Variants in RORA observed in about 807,000 individuals in gnomAD.
The protein encoded by RORA is nuclear receptor ROR-alpha.
RORA carries 7 observed loss-of-function variants against 69.5 expected under a neutral mutation model. The ratio of observed to expected loss-of-function variants is 0.10; its 90% CI spans 0.06 to 0.19. The LOEUF is 0.19. RORA is among the 10% of genes least tolerant of loss of function. RORA has a pLI of 1.00. For synonymous variants in RORA, 261 were observed against 240.8 expected, an observed-to-expected ratio of 1.08 and a Z score of -0.78; for missense variants, 457 against 663.0, an observed-to-expected ratio of 0.69 and a Z score of 3.41.
chr15:61,138,976 T>G (rs2079271484), intron 1 of RORA, among the ~76,000 whole-genome samples: 1 of 151,936 alleles, frequency 6.6e-6, no homozygotes, highest in Admixed American at 6.6e-5. Context: ...AAACCCCGTC[T>G]CTACTAGAAA....
chr15:60,979,722 G>A (rs1182732985), intron 1 of RORA, among the ~76,000 whole-genome samples: 1 of 72,702 alleles, frequency 1.4e-5, no homozygotes, highest in East Asian at 5.8e-4. Context: ...AATAATGTGT[G>A]TGTATGTATG....
chr15:60,996,683 G>C (rs2140375523), intron 1 of RORA, among the ~76,000 whole-genome samples: 1 of 152,218 alleles, frequency 6.6e-6, no homozygotes, highest in East Asian at 1.9e-4. Flanking sequence ...GGCTGAGGTG[G>C]GTGGATCACG....
intron 3 of RORA, among the ~76,000 whole-genome samples, chr15:60,523,492 A>T (rs1174565935): frequency 6.6e-6 from 1 of 152,230 alleles, no homozygotes; most frequent in Non-Finnish European, 1.5e-5. Flanking sequence ...ACATACAGAT[A>T]GACACTTTTT....
intron 1 of RORA, among the ~76,000 whole-genome samples, chr15:60,926,261 A>T (rs1264632747): frequency 6.6e-6 from 1 of 152,182 alleles, no homozygotes; most frequent in Non-Finnish European, 1.5e-5. Flanking sequence ...CAGAACCTGG[A>T]GCATAACCTG....
intron 1 of RORA, among the ~76,000 whole-genome samples, chr15:61,169,015 T>C (rs2079562406): frequency 6.6e-6 from 1 of 152,176 alleles, no homozygotes; most frequent in Non-Finnish European, 1.5e-5. Flanking sequence ...TCTTTGTACC[T>C]TCCTGTGCCT....
intron 2 of RORA, among the ~76,000 whole-genome samples, chr15:60,635,620 G>A (rs564299535): frequency 6.6e-6 from 1 of 152,158 alleles, no homozygotes; most frequent in East Asian, 1.9e-4. Flanking sequence ...AGATGTAAAG[G>A]GAAAGAACAC....
intron 2 of RORA, among the ~76,000 whole-genome samples, chr15:60,593,746 T>G (rs1280909724): frequency 6.6e-6 from 1 of 152,218 alleles, no homozygotes; most frequent in African/African-American, 2.4e-5. Context: ...TCTGTTGGTC[T>G]GTTGCCACGC....
intron 1 of RORA, among the ~76,000 whole-genome samples, chr15:61,006,923 G>T (rs1005466677): frequency 4.6e-5 from 7 of 151,970 alleles, no homozygotes; most frequent in Non-Finnish European, 1.0e-4. Context: ...GAATTATATG[G>T]ACATAGATAA....
chr15:60,771,414 A>G (rs1194888246), intron 1 of RORA, among the ~76,000 whole-genome samples: 1 of 152,030 alleles, frequency 6.6e-6, no homozygotes, highest in Non-Finnish European at 1.5e-5. Flanking sequence ...TTTCATCTCT[A>G]TACTGTATTC....
At chr15:61,057,933 T>C (rs1283298737) in intron 1 of RORA, among the ~76,000 whole-genome samples, 1 of 152,242 alleles carries the variant, frequency 6.6e-6, no homozygotes, top group African/African-American at 2.4e-5. Context: ...CTGAAAGGCA[T>C]TTAAGAGGAG....
intron 1 of RORA, among the ~76,000 whole-genome samples, chr15:61,183,936 A>T (rs2079714067): frequency 6.6e-6 from 1 of 152,078 alleles, no homozygotes; most frequent in Non-Finnish European, 1.5e-5. Flanking sequence ...TTGGAATGGG[A>T]AGGCAAAGTT....
At chr15:60,650,745 A>G (rs2070130791) in intron 2 of RORA, 1 of 152,230 alleles carries the variant, frequency 6.6e-6, no homozygotes. Context: ...TGAATTTCCA[A>G]GCAAATTAAC....
chr15:61,226,908 C>T lies in RORA; in HGVS notation c.166+2145G>A, dbSNP rs1233380144. On this transcript the variant is annotated intron_variant, in intron 1 of 10. Coordinates refer to ENST00000335670, the MANE Select transcript of RORA (RefSeq NM_134261.3). This position sits in a 1 kb window ranked among gnomAD's most constrained non-coding sequence, Gnocchi z 4.2. ...AGGGTGGGGGGAAGGGGATATGGGT[C>T]AGCAGGTCAGCTGTGCAAGATGTAT... Among the ~76,000 whole-genome samples the T allele has an allele frequency of 6.6e-6, 1 of 152,058 alleles. No individual in the cohort carries two copies. The highest frequency in any genetic ancestry group is 1.5e-5 in the Non-Finnish European group (1 of 67,996).
chr15:61,036,769 G>C (rs1566955732), intron 1 of RORA, among the ~76,000 whole-genome samples: 1 of 151,586 alleles, frequency 6.6e-6, no homozygotes, highest in Non-Finnish European at 1.5e-5. Context: ...CTAGAGCAGA[G>C]ATTTCTAAAG....
At chr15:60,778,185 T>C (rs1260184809) in intron 1 of RORA, among the ~76,000 whole-genome samples, 1 of 151,840 alleles carries the variant, frequency 6.6e-6, no homozygotes, top group Non-Finnish European at 1.5e-5. Context: ...TCATAATTTC[T>C]GATGTGGCTT....
chr15:61,228,913 G>C (rs2140955344), intron 1 of RORA, 140 bp downstream of exon 1: 1 of 172,570 alleles, frequency 5.8e-6, no homozygotes, highest in Middle Eastern at 3.1e-3. Context: ...GAGGGGAGGG[G>C]GGTCCTCCGG....
chr15:60,576,888 T>C (rs1487740750), intron 2 of RORA, among the ~76,000 whole-genome samples: 1 of 152,208 alleles, frequency 6.6e-6, no homozygotes, highest in Non-Finnish European at 1.5e-5. Context: ...GTACTAATTG[T>C]ATAAAAGCTT....
chr15:60,657,722 G>A (rs1461261966), intron 2 of RORA, among the ~76,000 whole-genome samples: 2 of 151,992 alleles, frequency 1.3e-5, no homozygotes, highest in African/African-American at 4.8e-5. Context: ...CATACTTCAA[G>A]AAAAAAAGGA....
rs753401655 is a variant in RORA, at chr15:60,491,343, A to G, written c.*6112T>C. The stretch of plus-strand genomic sequence containing the variant: ...AACATGTCAAAGCTAATAGCAAGCT[A>G]TCTTTCATTAGTTCTTAGAAGGATG... On this transcript the variant is annotated 3_prime_UTR_variant, in exon 11 of 11. Coordinates refer to ENST00000335670, the MANE Select transcript of RORA (RefSeq NM_134261.3). The G allele has an allele frequency of 2.6e-5, 4 of 152,184 alleles. No homozygotes were observed. The highest frequency in any genetic ancestry group is 4.4e-5 in the Non-Finnish European group (3 of 68,014). The allele number at this position is 152,184 out of a possible 1,614,324, so 9.4% of individuals were successfully genotyped here.
Sources: gnomAD v4.1 joint callset for allele counts (sites outside exome capture counted in the v4.1 genomes callset) on GRCh38, gnomAD v4.1.1 for gene constraint, Gnocchi (gnomAD v3.1) non-coding constraint, MANE v1.5 for transcripts, NCBI Gene and HGNC (gene_info 2026-07-23, HGNC 2026-07-21) for gene names.